Variants in TMEM232 observed in about 807,000 individuals in gnomAD.
TMEM232 encodes the protein transmembrane protein 232.
In TMEM232, 80 loss-of-function variants were observed where a neutral mutation model predicts 78.8. That is an observed-to-expected ratio of 1.01 (90% CI 0.85 to 1.22). TMEM232 has a LOEUF of 1.22. Among genes scored for constraint, TMEM232 ranks in the 50% most tolerant of loss-of-function variants. The pLI is 0.00. For synonymous variants in TMEM232, 297 were observed against 254.3 expected (o/e 1.17, Z -1.60); for missense variants, 881 against 742.2 (o/e 1.19, Z -2.17).
intron 7 of TMEM232, among the ~76,000 whole-genome samples, chr5:110,623,685 CA>C (rs1561405607): frequency 1.3e-5 from 2 of 151,904 alleles, no homozygotes; most frequent in Non-Finnish European, 2.9e-5. Context: ...GCTGATTAGC[CA>C]AATCAGTAAT....
At chr5:110,720,818 C>T (rs952092097) in intron 1 of TMEM232, 4 of 152,026 alleles carry the variant, frequency 2.6e-5, no homozygotes, top group Admixed American at 6.6e-5. Context: ...TACCACTCCA[C>T]GTTAACACAT....
rs544531763 is a variant in TMEM232 at position 110,646,006 on chromosome 5, A to G, written c.126-3635T>C. ...AAATACTAAGGAGTAAATTTATCAA[A>G]GAGGTGAAAGACCTGTACACTGAAA... On this transcript the variant is annotated intron_variant, in intron 2 of 13. Coordinates refer to ENST00000455884, the MANE Select transcript of TMEM232 (RefSeq NM_001039763.4). Among the ~76,000 whole-genome samples, 3 of 151,832 alleles carry G rather than the reference A, an allele frequency of 2.0e-5. 1 individual carries two copies. In the South Asian group the frequency reaches 6.2e-4, roughly 31 times the overall value.
At chr5:110,677,839 TA>T (rs1279498355) in intron 1 of TMEM232, among the ~76,000 whole-genome samples, 3 of 152,216 alleles carry the variant, frequency 2.0e-5, no homozygotes, top group Non-Finnish European at 4.4e-5. Context: ...TCATCATACT[TA>T]GGTGAGACTC....
intron 1 of TMEM232, among the ~76,000 whole-genome samples, chr5:110,682,398 A>G: frequency 6.6e-6 from 1 of 152,062 alleles, no homozygotes; most frequent in Non-Finnish European, 1.5e-5. Flanking sequence ...AAAAAAAACA[A>G]CAATTATTTT....
chr5:110,674,226 C>T (rs10068299), intron 1 of TMEM232, among the ~76,000 whole-genome samples: 1 of 151,920 alleles, frequency 6.6e-6, no homozygotes, highest in African/African-American at 2.4e-5. Flanking sequence ...TTTACTAGAC[C>T]TTTCTTGGTC....
chr5:110,467,964 A>G (rs1270824797), intron 12 of TMEM232, among the ~76,000 whole-genome samples: 1 of 151,380 alleles, frequency 6.6e-6, no homozygotes, highest in Non-Finnish European at 1.5e-5. Context: ...TTTACATGAC[A>G]TTCTTCCTGT....
chr5:110,432,350 A>G (rs976653178), intron 12 of TMEM232, among the ~76,000 whole-genome samples: 5 of 151,766 alleles, frequency 3.3e-5, no homozygotes, highest in Admixed American at 2.6e-4. Flanking sequence ...AAAGAAAATA[A>G]ATGCCAGTAA....
At chr5:110,599,566 C>G (rs1780635523) in intron 10 of TMEM232, among the ~76,000 whole-genome samples, 1 of 152,000 alleles carries the variant, frequency 6.6e-6, no homozygotes, top group South Asian at 2.1e-4. Flanking sequence ...TAAAAAAAGA[C>G]AAAGAATGGC....
chr5:110,588,684 T>C (rs1029157878), intron 10 of TMEM232, among the ~76,000 whole-genome samples: 3 of 152,106 alleles, frequency 2.0e-5, no homozygotes, highest in East Asian at 1.9e-4. Context: ...AAAAATTTCA[T>C]TGTAGTGTAA....
At chr5:110,482,135 A>G (rs1044363576) in intron 12 of TMEM232, among the ~76,000 whole-genome samples, 1 of 152,158 alleles carries the variant, frequency 6.6e-6, no homozygotes, top group African/African-American at 2.4e-5. Flanking sequence ...ATAGACAAAT[A>G]AGACAGGATA....
intron 11 of TMEM232, among the ~76,000 whole-genome samples, chr5:110,562,417 T>C (rs912231526): frequency 2.0e-5 from 3 of 152,086 alleles, no homozygotes; most frequent in African/African-American, 7.2e-5. Flanking sequence ...CCCTGCCACT[T>C]TGCACCATGT....
chr5:110,706,426 C>A (rs1414469453), intron 1 of TMEM232, among the ~76,000 whole-genome samples: 1 of 152,040 alleles, frequency 6.6e-6, no homozygotes, highest in Admixed American at 6.6e-5. Flanking sequence ...TCTAATGTTT[C>A]TATGTTACAA....
At chr5:110,440,328 C>G (rs1272041676) in intron 12 of TMEM232, among the ~76,000 whole-genome samples, 1 of 152,062 alleles carries the variant, frequency 6.6e-6, no homozygotes, top group Non-Finnish European at 1.5e-5. Context: ...GGAAATACTC[C>G]GTTCTCACCT....
chr5:110,653,397 T>C (rs575745418), intron 2 of TMEM232, among the ~76,000 whole-genome samples: 2 of 152,346 alleles, frequency 1.3e-5, no homozygotes, highest in African/African-American at 2.4e-5. Context: ...ATATATTCAG[T>C]GCTGTAAAAC....
intron 10 of TMEM232, among the ~76,000 whole-genome samples, chr5:110,573,621 G>A (rs949581187): frequency 3.3e-5 from 5 of 151,908 alleles, no homozygotes; most frequent in African/African-American, 1.2e-4. Flanking sequence ...AACAGTATCA[G>A]TTTATTATGA....
rs574388433 is a variant in TMEM232 at position 110,526,866 on chromosome 5, T to TA, written c.1703+1721dup. Among the ~76,000 whole-genome samples the TA allele has an allele frequency of 4.3e-3, 648 of 151,968 alleles. 4 individuals carry two copies. Among genetic ancestry groups the TA allele is most frequent in the African/African-American group, 0.015 (622 of 41,520 alleles). ...ATATCCATAATAAGGAAAACTTGTT[T>TA]AAAAAATGATAATAACTAGAAAATT... On this transcript the variant is annotated intron_variant, in intron 12 of 13. Coordinates refer to ENST00000455884, the MANE Select transcript of TMEM232 (RefSeq NM_001039763.4).
chr5:110,532,604 C>T (rs73222620), intron 11 of TMEM232, among the ~76,000 whole-genome samples: 21,906 of 151,754 alleles, frequency 0.14, 4,047 homozygotes, highest in African/African-American at 0.44. Context: ...CCTTATTAGG[C>T]TGAGACACTT....
chr5:110,439,352 G>A (rs527721088), intron 12 of TMEM232, among the ~76,000 whole-genome samples: 32 of 152,098 alleles, frequency 2.1e-4, no homozygotes, highest in African/African-American at 7.7e-4. Context: ...AATTAATCTC[G>A]TTTTATAGTT....
At chr5:110,726,739 G>C (rs560373583), upstream of TMEM232, 1 of 152,298 alleles carries the variant, frequency 6.6e-6, no homozygotes, top group African/African-American at 2.4e-5. Flanking sequence ...TAGCCAATCA[G>C]GACTTATAAG....
Sources: allele counts gnomAD v4.1 joint callset (sites outside exome capture counted in the v4.1 genomes callset), GRCh38; gene constraint gnomAD v4.1.1; transcripts MANE v1.5; gene names NCBI Gene and HGNC (gene_info 2026-07-23, HGNC 2026-07-21).